Variants in MTSS1 observed in about 807,000 individuals in gnomAD.
MTSS1 encodes the protein protein MTSS 1.
MTSS1 carries 18 observed loss-of-function variants against 79.0 expected under a neutral mutation model. The observed-to-expected ratio is 0.23, with a 90% CI of 0.16 to 0.34. The LOEUF (loss-of-function observed/expected upper bound fraction) is 0.34. Among genes scored for constraint, MTSS1 ranks in the 10% least tolerant of loss-of-function variants. MTSS1 has a pLI of 1.00. For missense variants in MTSS1, 815 were observed against 986.2 expected (o/e 0.83, Z 2.33); for synonymous variants, 341 against 368.6 (o/e 0.93, Z 0.86).
At chr8:124,596,498 G>C (rs753764249) in intron 3 of MTSS1, among the ~76,000 whole-genome samples, 1 of 152,246 alleles carries the variant, frequency 6.6e-6, no homozygotes. Context: ...AAAGGAAGAA[G>C]TGAACCATCC....
At chr8:124,714,403 A>G (rs1831614242) in intron 1 of MTSS1, among the ~76,000 whole-genome samples, 1 of 152,214 alleles carries the variant, frequency 6.6e-6, no homozygotes, top group Non-Finnish European at 1.5e-5. Context: ...GGTTAACTGC[A>G]TTAACTGTTA....
chr8:124,600,901 T>C (rs535236193), intron 3 of MTSS1, among the ~76,000 whole-genome samples: 1 of 152,068 alleles, frequency 6.6e-6, no homozygotes, highest in South Asian at 2.1e-4. Context: ...CACAACGTGG[T>C]TATTTAATGG....
intron 3 of MTSS1, among the ~76,000 whole-genome samples, chr8:124,652,381 G>A (rs1820130681): frequency 6.6e-6 from 1 of 151,982 alleles, no homozygotes; most frequent in African/African-American, 2.4e-5. Flanking sequence ...GGCCAGGCTG[G>A]TCTCAAACTC....
chr8:124,696,139 T>C (rs1023572970), intron 3 of MTSS1, among the ~76,000 whole-genome samples: 1 of 151,794 alleles, frequency 6.6e-6, no homozygotes, highest in African/African-American at 2.4e-5. Context: ...AGGTGCCCAC[T>C]CCTCTGCCTG....
At chr8:124,658,268 A>G (rs549470145) in intron 3 of MTSS1, among the ~76,000 whole-genome samples, 12 of 152,286 alleles carry the variant, frequency 7.9e-5, no homozygotes, top group Admixed American at 2.6e-4. Flanking sequence ...GGTTTCCCCT[A>G]TACTGTTATC....
intron 1 of MTSS1, among the ~76,000 whole-genome samples, chr8:124,719,399 C>G (rs1330999741): frequency 6.6e-6 from 1 of 152,198 alleles, no homozygotes; most frequent in Non-Finnish European, 1.5e-5. Context: ...AAAAGCCTTC[C>G]TGGACTCTGT....
At chr8:124,670,424 C>T (rs1227714204) in intron 3 of MTSS1, among the ~76,000 whole-genome samples, 1 of 151,630 alleles carries the variant, frequency 6.6e-6, no homozygotes, top group African/African-American at 2.4e-5. Flanking sequence ...CGGCACCCCA[C>T]ACAGCCTGGC....
In MTSS1 at chr8:124,582,391, G is replaced by A. The variant is rs187927171; in HGVS notation, c.460+2696C>T. Among the ~76,000 whole-genome samples, 208 of 152,172 alleles carry A rather than the reference G, an allele frequency of 1.4e-3. No individual in the cohort carries two copies. Among genetic ancestry groups the A allele is most frequent in the African/African-American group, 4.7e-3 (196 of 41,542 alleles). On this transcript the variant is annotated intron_variant, in intron 6 of 13. Transcript: ENST00000518547. The surrounding 1 kb of genome is among the most constrained non-coding windows in gnomAD (Gnocchi z 4.8). ...TGCAGAGTAAGAAGGAAAGTGAGCC[G>A]CTCACAAAAATCACATCCGTGTGTG...
intron 6 of MTSS1, among the ~76,000 whole-genome samples, chr8:124,571,942 C>T (rs570649310): frequency 9.2e-5 from 14 of 151,812 alleles, no homozygotes; most frequent in African/African-American, 2.7e-4. Context: ...CCAGCCTGGG[C>T]GACAGAGCAA....
intron 6 of MTSS1, among the ~76,000 whole-genome samples, chr8:124,571,241 G>A (rs796484761): frequency 5.3e-5 from 8 of 152,350 alleles, no homozygotes; most frequent in African/African-American, 9.6e-5. Context: ...TGTGGCCAAC[G>A]GCTTACAGAG....
intron 3 of MTSS1, among the ~76,000 whole-genome samples, chr8:124,625,958 T>C (rs1432342961): frequency 1.3e-5 from 2 of 152,194 alleles, no homozygotes; most frequent in South Asian, 2.1e-4. Context: ...TTCTGTAGGC[T>C]GTGACTTTAG....
In MTSS1 at chr8:124,568,725, G is replaced by A. The variant is rs181382058; in HGVS notation, c.461-189C>T. ...GGACCAGCCATTTCCAATTTTCAAT[G>A]CCCAAAGGGCACATTTAGCCTGGCT... On this transcript the variant is annotated intron_variant, in intron 6 of 13. Transcript: ENST00000518547. The A allele has an allele frequency of 1.3e-4, 195 of 1,485,704 alleles. 3 individuals carry two copies. The East Asian group carries it at 3.0e-3, about 23-fold the overall frequency. 92.0% of individuals were successfully genotyped at this position (1,485,704 alleles called of 1,614,324 possible).
intron 3 of MTSS1, among the ~76,000 whole-genome samples, chr8:124,659,803 T>C (rs111267569): frequency 6.6e-6 from 1 of 152,186 alleles, no homozygotes; most frequent in East Asian, 1.9e-4. Flanking sequence ...TAGCAACAAA[T>C]GCAGTGGCTA....
intron 3 of MTSS1, among the ~76,000 whole-genome samples, chr8:124,671,096 T>C (rs909382647): frequency 2.0e-5 from 3 of 152,002 alleles, no homozygotes; most frequent in African/African-American, 4.8e-5. Context: ...AATAAGCTCA[T>C]TGGGGTAGAT....
intron 3 of MTSS1, among the ~76,000 whole-genome samples, chr8:124,671,175 A>G (rs1050745628): frequency 3.9e-5 from 6 of 151,912 alleles, no homozygotes; most frequent in African/African-American, 1.5e-4. Flanking sequence ...GGCTCCCTCA[A>G]ATACTTTTCT....
intron 1 of MTSS1, among the ~76,000 whole-genome samples, chr8:124,719,528 A>G (rs766479391): frequency 1.3e-5 from 2 of 152,186 alleles, no homozygotes; most frequent in Non-Finnish European, 2.9e-5. Context: ...TGTCTCCTAG[A>G]CTGAGCACTT....
intron 4 of MTSS1, among the ~76,000 whole-genome samples, chr8:124,590,527 T>C (rs1831671457): frequency 6.6e-6 from 1 of 152,198 alleles, no homozygotes; most frequent in South Asian, 2.1e-4. Context: ...TCGGGGTTAC[T>C]GAGGGGTGAA....
chr8:124,608,367 G>A (rs1165760957), intron 3 of MTSS1, among the ~76,000 whole-genome samples: 2 of 152,222 alleles, frequency 1.3e-5, no homozygotes, highest in African/African-American at 4.8e-5. Context: ...GGACACAGGG[G>A]CTGACCACAT....
chr8:124,619,853 T>C (rs1307168739), intron 3 of MTSS1, among the ~76,000 whole-genome samples: 1 of 152,234 alleles, frequency 6.6e-6, no homozygotes, highest in Non-Finnish European at 1.5e-5. Flanking sequence ...TCCTGGCAGA[T>C]GCGGTTCCCT....
Sources: allele counts gnomAD v4.1 joint callset (sites outside exome capture counted in the v4.1 genomes callset), GRCh38; gene constraint gnomAD v4.1.1; non-coding constraint Gnocchi (gnomAD v3.1); transcripts MANE v1.5; gene names NCBI Gene and HGNC (gene_info 2026-07-23, HGNC 2026-07-21).